Variants in PCNX1 observed in about 807,000 individuals in gnomAD.
PCNX1 encodes pecanex-like protein 1.
Under a neutral mutation model 242.2 loss-of-function variants are expected in PCNX1, and 78 were observed. The ratio of observed to expected loss-of-function variants is 0.32; its 90% confidence interval spans 0.27 to 0.39. The LOEUF is 0.39. Among genes scored for constraint, PCNX1 ranks in the 10% least tolerant of loss-of-function variants. The probability of loss-of-function intolerance (pLI) is 1.00; values close to 1 mark genes in which losing one functional copy is unlikely to be tolerated. For synonymous variants in PCNX1, 1,024 were observed against 1,032.9 expected (o/e 0.99, Z 0.17); for missense variants, 2,581 against 2,856.5 (o/e 0.90, Z 2.20).
chr14:70,998,963 A>C (rs949345650), intron 8 of PCNX1, among the ~76,000 whole-genome samples: 15 of 152,132 alleles, frequency 9.9e-5, no homozygotes, highest in African/African-American at 3.6e-4. Flanking sequence ...TAAAGACCAC[A>C]TATTAAGGGT....
intron 26 of PCNX1, among the ~76,000 whole-genome samples, chr14:71,061,718 A>G (rs1319226653): frequency 6.6e-6 from 1 of 152,238 alleles, no homozygotes; most frequent in Non-Finnish European, 1.5e-5. Context: ...GTGACTTCAA[A>G]GGATTTGCCA....
chr14:70,915,304 C>A (rs2140041022), intron 1 of PCNX1, among the ~76,000 whole-genome samples: 1 of 152,224 alleles, frequency 6.6e-6, no homozygotes, highest in East Asian at 1.9e-4. Context: ...TTTTCTCTTT[C>A]CAAATAAGAC....
At chr14:70,991,006 C>A (rs2059147280) in intron 7 of PCNX1, among the ~76,000 whole-genome samples, 1 of 151,396 alleles carries the variant, frequency 6.6e-6, no homozygotes, top group East Asian at 1.9e-4. Context: ...AAAATTATTT[C>A]ATTCTTTGCC....
chr14:70,976,357 TTTC>T (rs2058685835), intron 5 of PCNX1, among the ~76,000 whole-genome samples: 1 of 64,958 alleles, frequency 1.5e-5, no homozygotes, highest in African/African-American at 6.2e-5. Flanking sequence ...TTTGTTGCTC[TTTC>T]TTTCTTTCTT....
At chr14:71,010,207 G>C (rs369559450) in intron 9 of PCNX1, among the ~76,000 whole-genome samples, 1 of 151,888 alleles carries the variant, frequency 6.6e-6, no homozygotes, top group African/African-American at 2.4e-5. Context: ...AAGATATCCC[G>C]AAGATCTTAC....
At position 70,978,080 on chromosome 14, in the gene PCNX1, T is replaced by A; in HGVS notation, c.1743T>A (p.Val581=). 2 of 1,614,148 alleles carry A rather than the reference T, an allele frequency of 1.2e-6. No homozygotes were observed. The highest frequency in any genetic ancestry group is 1.7e-6 in the Non-Finnish European group (2 of 1,180,030). Residue 581 remains valine (V), a synonymous_variant, in exon 6 of 36, where the codon GTT becomes GTA. Transcript: ENST00000304743. ...SFDSSRHRDY[V]CFRGVSGTKP... ...ATTCAAGCCGGCATAGGGACTATGT[T>A]TGCTTTCGAGGTGTTTCTGGTACCA...
At position 70,974,579 on chromosome 14, in the gene PCNX1, T is replaced by C. The variant is rs532987679; in HGVS notation, c.605-2363T>C. The stretch of plus-strand genomic sequence containing the variant: ...TATACTTTTTGTGCTTTAAGAACTT[T>C]TATAATAAGGTGACATGAACAACTT... On this transcript the variant is annotated intron_variant, in intron 5 of 35. Coordinates refer to ENST00000304743, the MANE Select transcript of PCNX1 (RefSeq NM_014982.3). Among the ~76,000 whole-genome samples the C allele has an allele frequency of 3.3e-5, 5 of 152,346 alleles. 1 individual carries two copies. The highest frequency in any genetic ancestry group is 7.2e-5 in the African/African-American group (3 of 41,578).
chr14:71,034,016 GA>G lies in PCNX1; in HGVS notation c.3759del (p.Lys1253AsnfsTer15). ...PLSEVKDPLP[E>X]KLRNSVSERL... Reference sequence around the variant, plus strand: ...ATCTGAAGTAAAAGATCCACTGCCTGAAAAACTTAGAAATTCTGTTGTAAGT... The same window carrying G: ...ATCTGAAGTAAAAGATCCACTGCCTGAAAACTTAGAAATTCTGTTGTAAGT... On this transcript the variant is annotated frameshift_variant, in exon 18 of 36. Coordinates refer to ENST00000304743, the MANE Select transcript of PCNX1 (RefSeq NM_014982.3). LOFTEE classifies it high-confidence loss of function. 1 of 1,584,654 alleles carries G rather than the reference GA, an allele frequency of 6.3e-7. No individual in the cohort carries two copies. The highest frequency in any genetic ancestry group is 8.6e-7 in the Non-Finnish European group (1 of 1,157,460).
At chr14:71,010,328 A>G (rs7146932) in intron 9 of PCNX1, among the ~76,000 whole-genome samples, 55,611 of 151,868 alleles carry the variant, frequency 0.37, 10,451 homozygotes, top group East Asian at 0.62. Context: ...AAGTTCTTAC[A>G]TAACTAAGTT....
At chr14:71,010,677 A>G (rs1196352418) in intron 9 of PCNX1, among the ~76,000 whole-genome samples, 1 of 152,016 alleles carries the variant, frequency 6.6e-6, no homozygotes, top group African/African-American at 2.4e-5. Context: ...TTTGAAGCCT[A>G]TTCTTGATTA....
chr14:70,993,562 TAAA>T (rs2059235885), intron 7 of PCNX1, among the ~76,000 whole-genome samples: 1 of 152,220 alleles, frequency 6.6e-6, no homozygotes, highest in African/African-American at 2.4e-5. Context: ...TCTAATATCT[TAAA>T]AACCTTTTTG....
At chr14:70,951,810 A>G (rs534631347) in intron 2 of PCNX1, among the ~76,000 whole-genome samples, 25 of 152,254 alleles carry the variant, frequency 1.6e-4, no homozygotes, top group Admixed American at 1.6e-3. Context: ...CAACTTTTAA[A>G]ATAGGGATAT....
In PCNX1 at chr14:71,045,209, G is replaced by C; in HGVS notation, c.3944G>C (p.Arg1315Thr). 2 of 1,613,192 alleles carry C rather than the reference G, an allele frequency of 1.2e-6. No individual in the cohort carries two copies. The highest frequency in any genetic ancestry group is 1.7e-6 in the Non-Finnish European group (2 of 1,179,246). ...FVTHYVLPQV[R>T]KQLPWHCFSH... Reference sequence around the variant, plus strand: ...ACCCATTATGTGCTGCCTCAAGTTAGAAAACAGCTACCATGGCACTGTTTC... The same window carrying C: ...ACCCATTATGTGCTGCCTCAAGTTACAAAACAGCTACCATGGCACTGTTTC... Residue 1315 changes from arginine to threonine, a missense_variant, in exon 20 of 36, where the codon AGA becomes ACA. Transcript: ENST00000304743.
intron 1 of PCNX1, among the ~76,000 whole-genome samples, chr14:70,943,343 G>C (rs2057333317): frequency 1.3e-5 from 2 of 152,152 alleles, no homozygotes; most frequent in African/African-American, 4.8e-5. Context: ...ATAGTGATAT[G>C]GACAATGAAG....
At position 70,909,076 on chromosome 14, in the gene PCNX1, G is replaced by C. The variant is rs1481428571; in HGVS notation, c.153+1073G>C. ...AGGTTCTTTGTGGAGCTAGAGACAGGGTGCTGAGTTAGAAAATCCCGGAGG... is the reference window on the plus strand; with the variant it reads ...AGGTTCTTTGTGGAGCTAGAGACAGCGTGCTGAGTTAGAAAATCCCGGAGG... On this transcript the variant is annotated intron_variant, in intron 1 of 35. Coordinates refer to ENST00000304743, the MANE Select transcript of PCNX1 (RefSeq NM_014982.3). Among the ~76,000 whole-genome samples, 3 of 152,106 alleles carry C rather than the reference G, an allele frequency of 2.0e-5. No homozygotes were observed. The East Asian group carries it at 5.8e-4, about 29-fold the overall frequency.
At chr14:71,036,666 T>G (rs151302121) in intron 19 of PCNX1, among the ~76,000 whole-genome samples, 10 of 152,350 alleles carry the variant, frequency 6.6e-5, no homozygotes, top group African/African-American at 2.4e-4. Flanking sequence ...ATGATGACAT[T>G]GCCTAAACAC....
chr14:70,911,369 G>A (rs771881376), intron 1 of PCNX1, among the ~76,000 whole-genome samples: 7 of 152,076 alleles, frequency 4.6e-5, no homozygotes, highest in Non-Finnish European at 8.8e-5. Flanking sequence ...AACACTTTTG[G>A]TGTTTATTTA....
intron 26 of PCNX1, among the ~76,000 whole-genome samples, chr14:71,063,386 C>T (rs2061370984): frequency 6.6e-6 from 1 of 152,204 alleles, no homozygotes; most frequent in African/African-American, 2.4e-5. Context: ...GGGCAGGAAT[C>T]ACATGTACTT....
At position 70,976,653 on chromosome 14, in the gene PCNX1, G is replaced by A. The variant is rs535341434; in HGVS notation, c.605-289G>A. On this transcript the variant is annotated intron_variant, in intron 5 of 35. Transcript: ENST00000304743. ...CTCCCAAAGTGCTGGGATTACAAGC[G>A]TGAGCCACTGCGCCCGGCCCCTTTG... 3.3e-5 allele frequency among the ~76,000 whole-genome samples: 5 copies of A among 152,166 alleles called. No homozygotes were observed. The East Asian group carries it at 7.7e-4, about 24-fold the overall frequency.
Sources: allele counts gnomAD v4.1 joint callset (sites outside exome capture counted in the v4.1 genomes callset), GRCh38; gene constraint gnomAD v4.1.1; transcripts MANE v1.5; gene names NCBI Gene and HGNC (gene_info 2026-07-23, HGNC 2026-07-21).